TAFA5: variants seen among roughly 807,000 people sequenced by gnomAD.
The protein encoded by TAFA5 is TAFA chemokine like family member 5.
A neutral mutation model predicts 15.3 loss-of-function variants in TAFA5; 6 were observed. That is an observed-to-expected ratio of 0.39 (90% CI 0.21 to 0.77). The LOEUF (loss-of-function observed/expected upper bound fraction) is 0.77. Among genes scored for constraint, TAFA5 ranks in the 30% least tolerant of loss-of-function variants. TAFA5 has a pLI of 0.41. For synonymous variants in TAFA5, 103 were observed against 80.7 expected (o/e 1.28, Z -1.48); for missense variants, 161 against 193.1 (o/e 0.83, Z 0.98).
chr22:48,731,995 T>G (rs1929882354), intron 3 of TAFA5, among the ~76,000 whole-genome samples: 1 of 152,172 alleles, frequency 6.6e-6, no homozygotes, highest in Non-Finnish European at 1.5e-5. Context: ...TTAAGAGCAT[T>G]TGTGATTCAT....
intron 1 of TAFA5, among the ~76,000 whole-genome samples, chr22:48,572,686 TGAA>T (rs934452446): frequency 6.6e-6 from 1 of 152,194 alleles, no homozygotes; most frequent in African/African-American, 2.4e-5. Context: ...AAATACCTGA[TGAA>T]GAAGATCAAT....
chr22:48,512,922 CAAAAAAA>C (rs754722482), intron 1 of TAFA5, among the ~76,000 whole-genome samples: 2 of 88,784 alleles, frequency 2.3e-5, no homozygotes, highest in Non-Finnish European at 4.3e-5. Flanking sequence ...GACTCTGTCT[CAAAAAAA>C]AAAAAAAAAA....
chr22:48,677,752 A>G (rs1311947468), intron 2 of TAFA5, among the ~76,000 whole-genome samples: 1 of 152,134 alleles, frequency 6.6e-6, no homozygotes, highest in Non-Finnish European at 1.5e-5. Context: ...CCTCACAAGG[A>G]GAGTCAGGTC....
At chr22:48,655,192 G>A (rs1181711487) in intron 2 of TAFA5, among the ~76,000 whole-genome samples, 5 of 152,158 alleles carry the variant, frequency 3.3e-5, no homozygotes, top group Admixed American at 6.5e-5. Flanking sequence ...CAGACCCCCT[G>A]GCTGCTCCTG....
chr22:48,569,504 C>A (rs141161229), intron 1 of TAFA5, among the ~76,000 whole-genome samples: 3 of 152,052 alleles, frequency 2.0e-5, no homozygotes, highest in Admixed American at 6.5e-5. Context: ...GTGGCCGCTA[C>A]AATCAAGGCC....
At position 48,489,716 on chromosome 22, in the gene TAFA5, G is replaced by GCGGCCC. The variant is rs745431986; in HGVS notation, c.112+23_112+28dup. 176 of 1,435,638 alleles carry GCGGCCC rather than the reference G, an allele frequency of 1.2e-4. No individual in the cohort carries two copies. The highest frequency in any genetic ancestry group is 1.5e-4 in the East Asian group (5 of 32,646). 88.9% of individuals were successfully genotyped at this position (1,435,638 alleles called of 1,614,324 possible). On this transcript the variant is annotated intron_variant, in intron 1 of 3. Transcript: ENST00000402357. The surrounding 1 kb of genome is among the most constrained non-coding windows in gnomAD (Gnocchi z 5.5). ...CATCGCCTACTGCAGTGAGTACCGC[G>GCGGCCC]CGGCCCCGGCCCCGGCACGGCCCTC... is the stretch of plus-strand genomic sequence containing the variant.
chr22:48,650,663 G>A lies in TAFA5; in HGVS notation c.262+3917G>A, dbSNP rs112276563. On this transcript the variant is annotated intron_variant, in intron 2 of 3. Transcript: ENST00000402357. ...GCATTTCTGGGTGAACCATGTCCCT[G>A]CCTGTACAGGGCAGGGCTGTGAGCC... is the stretch of plus-strand genomic sequence containing the variant. Among the ~76,000 whole-genome samples, 571 of 152,272 alleles carry A rather than the reference G, an allele frequency of 3.7e-3. 4 individuals are homozygous for A. The highest frequency in any genetic ancestry group is 0.013 in the African/African-American group (551 of 41,568).
intron 2 of TAFA5, among the ~76,000 whole-genome samples, chr22:48,689,652 CCCTCGGGCGGA>C (rs1928474908): frequency 1.0e-5 from 1 of 95,340 alleles, no homozygotes; most frequent in Admixed American, 9.8e-5. Flanking sequence ...CCCGTGTAGC[CCCTCGGGCGGA>C]CAGACTGGCC....
At chr22:48,685,669 A>G (rs1322239836) in intron 2 of TAFA5, among the ~76,000 whole-genome samples, 2 of 151,076 alleles carry the variant, frequency 1.3e-5, no homozygotes, top group African/African-American at 4.9e-5. Context: ...TTGGGAATTC[A>G]GTTTGTCAGA....
intron 1 of TAFA5, among the ~76,000 whole-genome samples, chr22:48,491,818 G>A (rs1038233251): frequency 1.3e-5 from 2 of 152,232 alleles, no homozygotes; most frequent in Non-Finnish European, 2.9e-5. Flanking sequence ...GAGGATGGGA[G>A]ATCTGGTTTC....
chr22:48,660,132 C>T (rs1242845904), intron 2 of TAFA5, among the ~76,000 whole-genome samples: 1 of 152,048 alleles, frequency 6.6e-6, no homozygotes, highest in East Asian at 1.9e-4. Context: ...CAAGGGCTGT[C>T]CCCCCAAAAA....
chr22:48,634,997 C>T (rs1926393706), intron 1 of TAFA5, among the ~76,000 whole-genome samples: 1 of 152,188 alleles, frequency 6.6e-6, no homozygotes, highest in South Asian at 2.1e-4. Context: ...AGCCATTTTC[C>T]TGAGGTAGGG....
chr22:48,729,662 T>C (rs982054749), intron 3 of TAFA5, among the ~76,000 whole-genome samples: 2 of 143,606 alleles, frequency 1.4e-5, no homozygotes, highest in Non-Finnish European at 3.0e-5. Flanking sequence ...ATATAAAATA[T>C]AAATAAATAT....
chr22:48,583,388 TACACCAC>T (rs966878059), intron 1 of TAFA5, among the ~76,000 whole-genome samples: 6 of 113,550 alleles, frequency 5.3e-5, no homozygotes, highest in East Asian at 2.8e-4. Flanking sequence ...ACATACAAAA[TACACCAC>T]ACACCACACA....
At chr22:48,537,205 G>A (rs1385055863) in intron 1 of TAFA5, among the ~76,000 whole-genome samples, 1 of 152,162 alleles carries the variant, frequency 6.6e-6, no homozygotes, top group Admixed American at 6.5e-5. Flanking sequence ...GAGACACCCG[G>A]GGTGGGGGCA....
At chr22:48,522,242 G>A (rs866335102) in intron 1 of TAFA5, among the ~76,000 whole-genome samples, 41 of 152,118 alleles carry the variant, frequency 2.7e-4, no homozygotes, top group African/African-American at 8.7e-4. Flanking sequence ...CTGTGGTCTC[G>A]GTGGCAGAGC....
intron 1 of TAFA5, among the ~76,000 whole-genome samples, chr22:48,525,264 A>T (rs1166409726): frequency 6.6e-6 from 1 of 152,024 alleles, no homozygotes; most frequent in Non-Finnish European, 1.5e-5. Context: ...GGCCCAGGGG[A>T]TGCTCCCCAT....
chr22:48,729,963 G>A (rs918062231), intron 3 of TAFA5, among the ~76,000 whole-genome samples: 11 of 152,060 alleles, frequency 7.2e-5, no homozygotes, highest in Non-Finnish European at 1.3e-4. Flanking sequence ...GCATTGTCCC[G>A]AGGGCAGCAG....
At chr22:48,731,459 G>A (rs1224509382) in intron 3 of TAFA5, among the ~76,000 whole-genome samples, 1 of 152,258 alleles carries the variant, frequency 6.6e-6, no homozygotes, top group African/African-American at 2.4e-5. Flanking sequence ...CCACTAGAGA[G>A]AAGTCAGTGC....
Sources: allele counts gnomAD v4.1 joint callset (sites outside exome capture counted in the v4.1 genomes callset), GRCh38; gene constraint gnomAD v4.1.1; non-coding constraint Gnocchi (gnomAD v3.1); transcripts MANE v1.5; gene names NCBI Gene and HGNC (gene_info 2026-07-23, HGNC 2026-07-21).